The following DDX3X variants were observed in gnomAD, a reference collection of about 807,000 sequenced individuals.
DDX3X encodes ATP-dependent RNA helicase DDX3X.
In DDX3X, 4 loss-of-function variants were observed where a neutral mutation model predicts 52.7. The observed-to-expected ratio is 0.08, with a 90% CI of 0.04 to 0.17. DDX3X has a LOEUF of 0.17. Ranked by LOEUF, DDX3X falls within the 10% of genes least tolerant of loss-of-function variation. DDX3X has a pLI of 1.00. For missense variants in DDX3X, 222 were observed against 548.6 expected (o/e 0.40, Z 5.95); for synonymous variants, 192 against 178.1 (o/e 1.08, Z -0.62).
intron 2 of DDX3X, 176 bp downstream of exon 2, chrX:41,337,641 C>CT: frequency 3.3e-6 from 1 of 303,866 alleles, no homozygotes; most frequent in Non-Finnish European, 5.2e-6. Context: ...AGCATCGTTG[C>CT]CTTTTTTTTT....
At chrX:41,362,891 T>C (rs1363521083) in intron 5 of DDX3X, among the ~76,000 whole-genome samples, 2 of 111,641 alleles carry the variant, frequency 1.8e-5, no homozygotes, top group Non-Finnish European at 3.8e-5. Flanking sequence ...ACGTTCTTCC[T>C]GGCTCCCATA....
At chrX:41,339,223 C>G in intron 3 of DDX3X, 140 bp downstream of exon 3, 2 of 268,312 alleles carry the variant, frequency 7.5e-6, no homozygotes. Context: ...GGTTCAAATA[C>G]TAGAGCTTAA....
At position 41,334,176 on chromosome X, in the gene DDX3X, C is replaced by T. The variant is rs2063718836; in HGVS notation, c.-77C>T. On this transcript the variant is annotated 5_prime_UTR_variant, in exon 1 of 17. Coordinates refer to ENST00000644876, the MANE Select transcript of DDX3X (RefSeq NM_001356.5). ...CGGTGCGCTCCAGAGCCGCAGTTCTCCCGTGAGAGGGCCTTCGCGGTGGAA... is the reference window on the plus strand; with the variant it reads ...CGGTGCGCTCCAGAGCCGCAGTTCTTCCGTGAGAGGGCCTTCGCGGTGGAA... The T allele has an allele frequency of 9.4e-7, 1 of 1,066,823 alleles. No individual in the cohort carries two copies. The allele number at this position is 1,066,823 out of a possible 1,213,427, so 87.9% of individuals were successfully genotyped here.
At chrX:41,344,788 A>G (rs1268689238) in intron 10 of DDX3X, among the ~76,000 whole-genome samples, 1 of 112,131 alleles carries the variant, frequency 8.9e-6, no homozygotes, top group Non-Finnish European at 1.9e-5. Flanking sequence ...GTTACTGCCC[A>G]TTAGTTTTGT....
chrX:41,334,166 C>T lies in DDX3X; in HGVS notation c.-87C>T. ...CGTGGCCGCGCGGTGCGCTCCAGAG[C>T]CGCAGTTCTCCCGTGAGAGGGCCTT... is the stretch of plus-strand genomic sequence containing the variant. On this transcript the variant is annotated 5_prime_UTR_variant, in exon 1 of 17. Coordinates refer to ENST00000644876, the MANE Select transcript of DDX3X (RefSeq NM_001356.5). The T allele has an allele frequency of 1.0e-6, 1 of 997,393 alleles. No individual in the cohort carries two copies. Among genetic ancestry groups the T allele is most frequent in the Non-Finnish European group, 1.4e-6 (1 of 716,513 alleles). The allele number at this position is 997,393 out of a possible 1,213,427, so 82.2% of individuals were successfully genotyped here.
chrX:41,342,687 A>G, intron 5 of DDX3X, 34 bp downstream of exon 5: 1 of 1,209,100 alleles, frequency 8.3e-7, no homozygotes. Context: ...CTTGTGATGA[A>G]GCCTTACTAG....
chrX:41,334,562 A>G (rs1033624794), intron 1 of DDX3X: 14 of 1,083,303 alleles, frequency 1.3e-5, no homozygotes, highest in Non-Finnish European at 1.7e-5. Context: ...GCGGAGGGGG[A>G]GGAAGTGCGC....
chrX:41,334,166 C>G lies in DDX3X; in HGVS notation c.-87C>G. On this transcript the variant is annotated 5_prime_UTR_variant, in exon 1 of 17. Coordinates refer to ENST00000644876, the MANE Select transcript of DDX3X (RefSeq NM_001356.5). ...CGTGGCCGCGCGGTGCGCTCCAGAG[C>G]CGCAGTTCTCCCGTGAGAGGGCCTT... The G allele has an allele frequency of 1.0e-6, 1 of 997,393 alleles. No individual in the cohort carries two copies. The highest frequency in any genetic ancestry group is 2.5e-5 in the Admixed American group (1 of 39,226). 82.2% of individuals were successfully genotyped at this position (997,393 alleles called of 1,213,427 possible). A position where few individuals can be genotyped will look rare whatever the true frequency, so the allele number is the denominator to read the frequency against.
Position 41,341,485 on chromosome X carries a change from T to G in DDX3X, c.153T>G (p.Gly51=). 1 of 1,198,400 alleles carries G rather than the reference T, an allele frequency of 8.3e-7. No homozygotes were observed. The highest frequency in any genetic ancestry group is 1.1e-6 in the Non-Finnish European group (1 of 886,314). ...GTATTTGTGCTTTTTTAATCAAAGG[T>G]TTCTACGATAAAGACAGTTCAGGGT... ...PHLRNREATK[G]FYDKDSSGWS... The change falls in exon 4 of 17, where the codon GGT becomes GGG. Residue 51 remains glycine, a splice_region_variant and synonymous_variant. Transcript: ENST00000644876.
At chrX:41,351,278 A>G (rs1382014757), downstream of DDX3X, 1 of 111,908 alleles carries the variant, frequency 8.9e-6, no homozygotes, top group Non-Finnish European at 1.9e-5. Flanking sequence ...GGTTAGGATT[A>G]TGGTGACATA....
Position 41,337,462 on chromosome X carries a change from A to G in DDX3X, c.100A>G (p.Ser34Gly). ...SDNQSGGSTASKGRYIPPHLR... is the reference protein window; with the variant it reads ...SDNQSGGSTAGKGRYIPPHLR... ...TAATCAGAGTGGAGGAAGTACAGCC[A>G]GCAGTAAGTACAACATCTTGTGGGT... Residue 34 changes from serine (S) to glycine (G), a missense_variant, in exon 2 of 17, where the codon AGC becomes GGC. Physicochemically the swap from Ser to Gly is moderately conservative, Grantham distance 56. Transcript: ENST00000644876. 1 of 1,198,666 alleles carries G rather than the reference A, an allele frequency of 8.3e-7. No individual in the cohort carries two copies. Among genetic ancestry groups the G allele is most frequent in the African/African-American group, 1.7e-5 (1 of 57,637 alleles).
chrX:41,346,734 C>T (rs976505567), intron 14 of DDX3X, 112 bp downstream of exon 14: 19 of 953,273 alleles, frequency 2.0e-5, no homozygotes, highest in African/African-American at 9.8e-5. Flanking sequence ...AAAGATTTTG[C>T]TCAAAGCACT....
chrX:41,353,094 T>C (rs891716230), downstream of DDX3X, among the ~76,000 whole-genome samples: 6 of 111,215 alleles, frequency 5.4e-5, no homozygotes, highest in Non-Finnish European at 1.1e-4. Context: ...CTGTGCTTTC[T>C]TCTGCCTTTG....
At chrX:41,351,771 A>G (rs1162882743), downstream of DDX3X, 2 of 110,436 alleles carry the variant, frequency 1.8e-5, no homozygotes, top group Non-Finnish European at 3.8e-5. Flanking sequence ...CTACTCTTCA[A>G]TTTCTTCATT....
chrX:41,341,721 T>C (rs898986113), intron 4 of DDX3X, 105 bp downstream of exon 4: 1 of 826,991 alleles, frequency 1.2e-6, no homozygotes, highest in Non-Finnish European at 1.7e-6. Flanking sequence ...GTTTGGTCAT[T>C]GTATTTTCTT....
At chrX:41,350,904 T>C (rs2063980092), downstream of DDX3X, 1 of 112,222 alleles carries the variant, frequency 8.9e-6, no homozygotes, top group African/African-American at 3.2e-5. Flanking sequence ...ATTCAGCTTT[T>C]GTTTCAGTAA....
intron 3 of DDX3X, 64 bp downstream of exon 3, chrX:41,339,147 A>C (rs2063812484): frequency 3.1e-6 from 2 of 637,658 alleles, no homozygotes; most frequent in Non-Finnish European, 4.6e-6. Context: ...AGTAAAGCCT[A>C]AGGAAAACCA....
At chrX:41,355,645 CTTTTTTTTTT>C (rs36111286) in intron 5 of DDX3X, among the ~76,000 whole-genome samples, 1 of 85,814 alleles carries the variant, frequency 1.2e-5, no homozygotes, top group African/African-American at 4.3e-5. Context: ...TTTTCTTTTT[CTTTTTTTTTT>C]TTTTTTTGAG....
At position 41,347,967 on chromosome X, in the gene DDX3X, C is replaced by T; in HGVS notation, c.*248C>T. On this transcript the variant is annotated 3_prime_UTR_variant, in exon 17 of 17. Transcript: ENST00000644876. ...TTTGGATTAACTCCCCTCCCGCCTA[C>T]CCCCATCCCAAACTGCATTTATAAT... 2.9e-6 allele frequency: 1 copy of T among 346,326 alleles called. No individual in the cohort carries two copies. 28.5% of individuals were successfully genotyped at this position (346,326 alleles called of 1,213,427 possible).
Sources: gnomAD v4.1 joint callset for allele counts (sites outside exome capture counted in the v4.1 genomes callset) on GRCh38, gnomAD v4.1.1 for gene constraint, MANE v1.5 for transcripts, NCBI Gene and HGNC (gene_info 2026-07-23, HGNC 2026-07-21) for gene names.